DPEP1: variants seen among roughly 807,000 people sequenced by gnomAD.
DPEP1 encodes the protein dipeptidase 1, also known as beta-lactamase.
Under a neutral mutation model 42.3 loss-of-function variants are expected in DPEP1, and 50 were observed. The observed-to-expected ratio is 1.18, with a 90% CI of 0.94 to 1.50. DPEP1 has a LOEUF of 1.50. Ranked by LOEUF, DPEP1 falls within the 40% of genes most tolerant of loss-of-function variation. The probability of loss-of-function intolerance (pLI) is 0.00; values close to 1 mark genes in which losing one functional copy is unlikely to be tolerated. For synonymous variants in DPEP1, 297 were observed against 234.0 expected, an observed-to-expected ratio of 1.27 and a Z score of -2.46; for missense variants, 663 against 553.0, an observed-to-expected ratio of 1.20 and a Z score of -1.99.
intron 1 of DPEP1, chr16:89,616,917 A>T (rs564692461): frequency 8.4e-6 from 2 of 238,178 alleles, no homozygotes; most frequent in Non-Finnish European, 1.7e-5. Flanking sequence ...GGAAGCGGGT[A>T]GGAAGCGGGC....
intron 1 of DPEP1, 161 bp from the exon 2 acceptor site, chr16:89,630,144 C>G (rs983270839): frequency 2.6e-5 from 8 of 309,200 alleles, no homozygotes; most frequent in South Asian, 1.7e-4. Context: ...ATGCCTCCGC[C>G]TAGCCCAGAC....
chr16:89,635,769 C>A (rs765181478), intron 2 of DPEP1, 139 bp from the exon 3 acceptor site: 2 of 1,210,668 alleles, frequency 1.7e-6, no homozygotes, highest in Non-Finnish European at 2.2e-6. Flanking sequence ...TGATATGTCA[C>A]CCCCGCGGCC....
downstream of DPEP1, among the ~76,000 whole-genome samples, chr16:89,641,208 T>G (rs1240323210): frequency 9.0e-6 from 1 of 111,266 alleles, no homozygotes; most frequent in Non-Finnish European, 1.8e-5. Context: ...CGGTTAGGCC[T>G]CCGGAGGGCT....
At chr16:89,634,208 C>T (rs2059629728) in intron 2 of DPEP1, among the ~76,000 whole-genome samples, 1 of 151,164 alleles carries the variant, frequency 6.6e-6, no homozygotes, top group Non-Finnish European at 1.5e-5. Flanking sequence ...CCTGCCTCAG[C>T]CTCTTGAGTA....
intron 1 of DPEP1, among the ~76,000 whole-genome samples, chr16:89,629,002 T>C (rs1029536856): frequency 1.3e-5 from 2 of 152,068 alleles, no homozygotes; most frequent in African/African-American, 4.8e-5. Flanking sequence ...AATTTTTGTC[T>C]TTTTAATACA....
Position 89,636,916 on chromosome 16 carries a change from G to T in DPEP1, c.572G>T (p.Gly191Val). The T allele has an allele frequency of 1.9e-6, 3 of 1,612,512 alleles. No individual in the cohort carries two copies. Among genetic ancestry groups the T allele is most frequent in the Non-Finnish European group, 2.5e-6 (3 of 1,179,938 alleles). The change falls in exon 6 of 11, where the codon GGC becomes GTC. Residue 191 changes from glycine (G) to valine (V), a missense_variant. By Grantham distance (109) the Gly-to-Val change is moderately radical. Coordinates refer to ENST00000690203, the MANE Select transcript of DPEP1 (RefSeq NM_001389466.1). ...GGAGACAGCGAGCCCCAGAGCCAAG[G>T]CTTGTCACCCTTTGGGCAGGTGAGT... Reference protein sequence around the residue: ...DTGDSEPQSQGLSPFGQRVVK... With the variant: ...DTGDSEPQSQVLSPFGQRVVK...
Position 89,635,002 on chromosome 16 carries a change from CT to C in DPEP1, c.105-905del, listed in dbSNP as rs370784700. Among the ~76,000 whole-genome samples the C allele has an allele frequency of 1.5e-4, 7 of 46,030 alleles. 2 individuals are homozygous for C. Among genetic ancestry groups the C allele is most frequent in the Non-Finnish European group, 2.6e-4 (6 of 22,734 alleles). 30.2% of individuals were successfully genotyped at this position (46,030 alleles called of 152,430 possible). On this transcript the variant is annotated intron_variant, in intron 2 of 10. Coordinates refer to ENST00000690203, the MANE Select transcript of DPEP1 (RefSeq NM_001389466.1). ...CCCTTCCTTCTCCTTTCCCTTCCTT[CT>C]CCTTTCCCTTCCTTCTCCTTTCCCC...
intron 5 of DPEP1, 38 bp downstream of exon 5, chr16:89,636,721 C>T (rs929819838): frequency 6.2e-7 from 1 of 1,608,546 alleles, no homozygotes; most frequent in Non-Finnish European, 8.5e-7. Flanking sequence ...GGGCTGTGGT[C>T]AGGAGGGAGG....
chr16:89,632,778 C>T (rs980496839), intron 2 of DPEP1, among the ~76,000 whole-genome samples: 11 of 152,002 alleles, frequency 7.2e-5, no homozygotes, highest in African/African-American at 2.4e-4. Context: ...AGAGGGCTGG[C>T]GGGGCACAGT....
At chr16:89,620,164 T>A (rs1597744346) in intron 1 of DPEP1, among the ~76,000 whole-genome samples, 1 of 151,840 alleles carries the variant, frequency 6.6e-6, no homozygotes, top group Admixed American at 6.6e-5. Context: ...TGGCTGGGGA[T>A]GGAGGGAGAT....
intron 1 of DPEP1, among the ~76,000 whole-genome samples, chr16:89,626,105 G>A (rs1486714033): frequency 6.6e-6 from 1 of 152,144 alleles, no homozygotes; most frequent in Admixed American, 6.5e-5. Flanking sequence ...GCCCTGAGAG[G>A]CCCTGAGATT....
chr16:89,617,209 C>T (rs1475947447), intron 1 of DPEP1, among the ~76,000 whole-genome samples: 1 of 152,100 alleles, frequency 6.6e-6, no homozygotes, highest in African/African-American at 2.4e-5. Flanking sequence ...GAGGGAGTGG[C>T]AGAGAGATGG....
chr16:89,634,189 T>C (rs2059629458), intron 2 of DPEP1, among the ~76,000 whole-genome samples: 1 of 149,534 alleles, frequency 6.7e-6, no homozygotes, highest in South Asian at 2.2e-4. Flanking sequence ...CCTGGGTTCC[T>C]GCCATTGTCC....
chr16:89,617,341 A>G (rs2059388389), intron 1 of DPEP1, among the ~76,000 whole-genome samples: 1 of 152,114 alleles, frequency 6.6e-6, no homozygotes, highest in Non-Finnish European at 1.5e-5. Flanking sequence ...TGAGGGGAAA[A>G]GCGCTCCTGC....
intron 2 of DPEP1, among the ~76,000 whole-genome samples, chr16:89,631,543 ATGTCT>A (rs2151493001): frequency 6.6e-6 from 1 of 152,306 alleles, no homozygotes; most frequent in Non-Finnish European, 1.5e-5. Flanking sequence ...GGGAAACCCG[ATGTCT>A]TGTCGCATAA....
At chr16:89,616,935 A>C (rs1190350675) in intron 1 of DPEP1, 1 of 231,294 alleles carries the variant, frequency 4.3e-6, no homozygotes, top group Non-Finnish European at 8.9e-6. Flanking sequence ...GGCAGGTTTT[A>C]CCGAGCGGCG....
At chr16:89,615,185 G>A (rs1432446548) in intron 1 of DPEP1, among the ~76,000 whole-genome samples, 1 of 152,232 alleles carries the variant, frequency 6.6e-6, no homozygotes, top group Non-Finnish European at 1.5e-5. Context: ...GAGGCCAGGA[G>A]CAGACGGGGA....
In DPEP1 at chr16:89,638,395, C is replaced by T. The variant is rs2059712509; in HGVS notation, c.*173C>T. On this transcript the variant is annotated 3_prime_UTR_variant, in exon 11 of 11. Transcript: ENST00000690203. ...ATGCCTGGGGACAGTTCAGGACACA[C>T]ACACAGTAGGCCCGCAATAAAAGCA... The T allele has an allele frequency of 6.5e-6, 9 of 1,390,658 alleles. No individual in the cohort carries two copies. The highest frequency in any genetic ancestry group is 8.3e-6 in the Non-Finnish European group (9 of 1,078,578). 86.1% of individuals were successfully genotyped at this position (1,390,658 alleles called of 1,614,324 possible).
chr16:89,621,722 G>A (rs1343985624), intron 1 of DPEP1, among the ~76,000 whole-genome samples: 2 of 152,214 alleles, frequency 1.3e-5, no homozygotes, highest in South Asian at 2.1e-4. Flanking sequence ...GTGCATGCAC[G>A]TGTGTCTGTG....
Sources: allele counts gnomAD v4.1 joint callset (sites outside exome capture counted in the v4.1 genomes callset), GRCh38; gene constraint gnomAD v4.1.1; transcripts MANE v1.5; gene names NCBI Gene and HGNC (gene_info 2026-07-23, HGNC 2026-07-21).